The following ADGRB3 variants were observed in gnomAD, a reference collection of about 807,000 sequenced individuals.
The protein encoded by ADGRB3 is adhesion G protein-coupled receptor B3.
ADGRB3 carries 37 observed loss-of-function variants against 193.4 expected under a neutral mutation model. That is an observed-to-expected ratio of 0.19 (90% CI 0.15 to 0.25). The LOEUF is 0.25. Ranked by LOEUF, ADGRB3 falls within the 10% of genes least tolerant of loss-of-function variation. ADGRB3 has a pLI of 1.00. For synonymous variants in ADGRB3, 690 were observed against 644.2 expected, an observed-to-expected ratio of 1.07 and a Z score of -1.08; for missense variants, 1,637 against 1,852.9, an observed-to-expected ratio of 0.88 and a Z score of 2.14.
At chr6:68,983,236 TATAAC>T (rs1768978284) in intron 10 of ADGRB3, among the ~76,000 whole-genome samples, 2 of 151,902 alleles carry the variant, frequency 1.3e-5, no homozygotes, top group Admixed American at 6.6e-5. Context: ...TTTTTAACCT[TATAAC>T]TTACTACTGA....
intron 24 of ADGRB3, among the ~76,000 whole-genome samples, chr6:69,333,861 C>G (rs1409174427): frequency 6.6e-6 from 1 of 150,568 alleles, no homozygotes; most frequent in Non-Finnish European, 1.5e-5. Flanking sequence ...ACCTGGGAGG[C>G]GGAGCTTGCA....
At chr6:69,313,272 T>C (rs1321982) in intron 20 of ADGRB3, among the ~76,000 whole-genome samples, 5,623 of 151,944 alleles carry the variant, frequency 0.037, 175 homozygotes, top group Admixed American at 0.094. Context: ...GTGATACCAA[T>C]GTGCAGCCAA....
chr6:69,241,178 C>T (rs1252123740), intron 20 of ADGRB3, among the ~76,000 whole-genome samples: 1 of 151,736 alleles, frequency 6.6e-6, no homozygotes, highest in Admixed American at 6.6e-5. Flanking sequence ...TGGTTATGCT[C>T]TAAATCACTG....
chr6:68,759,361 T>C (rs1766352155), intron 3 of ADGRB3, among the ~76,000 whole-genome samples: 1 of 152,152 alleles, frequency 6.6e-6, no homozygotes, highest in Non-Finnish European at 1.5e-5. Flanking sequence ...AGCATTTACA[T>C]AGTTTTGAGA....
intron 3 of ADGRB3, among the ~76,000 whole-genome samples, chr6:68,809,123 A>C (rs1482384822): frequency 6.6e-6 from 1 of 152,172 alleles, no homozygotes; most frequent in Non-Finnish European, 1.5e-5. Context: ...ATTATGAAGT[A>C]TATACATTCT....
At position 68,709,033 on chromosome 6, in the gene ADGRB3, C is replaced by T. The variant is rs549348917; in HGVS notation, c.757+69601C>T. Among the ~76,000 whole-genome samples the T allele has an allele frequency of 2.2e-3, 329 of 152,124 alleles. 1 individual carries two copies. The highest frequency in any genetic ancestry group is 7.6e-3 in the African/African-American group (315 of 41,522). On this transcript the variant is annotated intron_variant, in intron 3 of 31. Transcript: ENST00000370598. ...TTTTAGTAAGGATTTGTTTAAAATG[C>T]GGGTTGTTCTACTTTAAAGCTCAAT...
chr6:68,882,890 T>G (rs191933094), intron 3 of ADGRB3, among the ~76,000 whole-genome samples: 392 of 152,196 alleles, frequency 2.6e-3, no homozygotes, highest in African/African-American at 4.1e-3. Context: ...ACTAGTTTTT[T>G]TTTTGTTTTG....
intron 17 of ADGRB3, among the ~76,000 whole-genome samples, chr6:69,189,434 T>C (rs1765140574): frequency 6.6e-6 from 1 of 152,242 alleles, no homozygotes; most frequent in South Asian, 2.1e-4. Flanking sequence ...TGATGAAAGA[T>C]TTCTAGATTT....
At chr6:68,933,296 A>T (rs1767394205) in intron 4 of ADGRB3, among the ~76,000 whole-genome samples, 1 of 152,212 alleles carries the variant, frequency 6.6e-6, no homozygotes, top group African/African-American at 2.4e-5. Context: ...CTAAAATTTT[A>T]AAAAATAAAA....
rs572757449 is a variant in ADGRB3, at chr6:68,957,903, A to G, written c.1525+1094A>G. Among the ~76,000 whole-genome samples the G allele has an allele frequency of 2.6e-5, 4 of 152,230 alleles. No homozygotes were observed. In the South Asian group the frequency reaches 8.3e-4, roughly 32 times the overall value. Reference sequence around the variant, plus strand: ...AGTTGGAGTTTTGTGGGGGCTTAAAAAAGATCGAAAATTAGGGCCAGGCAT... The same window carrying G: ...AGTTGGAGTTTTGTGGGGGCTTAAAGAAGATCGAAAATTAGGGCCAGGCAT... On this transcript the variant is annotated intron_variant, in intron 8 of 31. Coordinates refer to ENST00000370598, the MANE Select transcript of ADGRB3 (RefSeq NM_001704.3).
At chr6:69,325,701 A>G (rs1304928141) in intron 21 of ADGRB3, among the ~76,000 whole-genome samples, 1 of 152,226 alleles carries the variant, frequency 6.6e-6, no homozygotes, top group Non-Finnish European at 1.5e-5. Context: ...AATAATATCT[A>G]CTGTATTAGA....
intron 13 of ADGRB3, among the ~76,000 whole-genome samples, chr6:69,039,689 G>A (rs1770971645): frequency 6.6e-6 from 1 of 151,670 alleles, no homozygotes; most frequent in East Asian, 1.9e-4. Context: ...AATAGGAAAG[G>A]AAGATAATGG....
intron 20 of ADGRB3, among the ~76,000 whole-genome samples, chr6:69,254,566 G>T (rs927267809): frequency 1.3e-5 from 2 of 151,672 alleles, no homozygotes; most frequent in Non-Finnish European, 2.9e-5. Context: ...ATACTGTCAA[G>T]AAAAAATGAT....
intron 3 of ADGRB3, among the ~76,000 whole-genome samples, chr6:68,808,302 T>A (rs916970625): frequency 6.6e-6 from 1 of 152,142 alleles, no homozygotes; most frequent in Non-Finnish European, 1.5e-5. Context: ...CCTTATCAGC[T>A]GAATACAAAG....
chr6:68,916,927 G>A (rs933167050), intron 3 of ADGRB3, among the ~76,000 whole-genome samples: 1 of 152,178 alleles, frequency 6.6e-6, no homozygotes, highest in Non-Finnish European at 1.5e-5. Flanking sequence ...GTCATAAAAG[G>A]ACTTTATATA....
At position 69,322,152 on chromosome 6, in the gene ADGRB3, CTCCATCCATGT is replaced by C. The variant is rs528602550; in HGVS notation, c.2815-2716_2815-2706del. Among the ~76,000 whole-genome samples, 67 of 152,032 alleles carry C rather than the reference CTCCATCCATGT, an allele frequency of 4.4e-4. 1 individual carries two copies. The highest frequency in any genetic ancestry group is 8.0e-4 in the Non-Finnish European group (54 of 67,898). ...GTTTGCTAAGAATAATGGCCTCCACCTCCATCCATGTTCCTGCAAAGGATATGATCTCATTC... is the reference window on the plus strand; with the variant it reads ...GTTTGCTAAGAATAATGGCCTCCACCTCCTGCAAAGGATATGATCTCATTC... On this transcript the variant is annotated intron_variant, in intron 20 of 31. Transcript: ENST00000370598.
intron 20 of ADGRB3, among the ~76,000 whole-genome samples, chr6:69,248,313 A>G (rs1766542844): frequency 1.3e-5 from 2 of 152,224 alleles, no homozygotes; most frequent in South Asian, 4.1e-4. Context: ...AACATCACAG[A>G]AAGTGAATTA....
intron 3 of ADGRB3, among the ~76,000 whole-genome samples, chr6:68,743,276 A>G (rs1184702105): frequency 1.3e-5 from 2 of 151,414 alleles, no homozygotes; most frequent in Non-Finnish European, 2.9e-5. Context: ...GATCTCAGCA[A>G]TGACTGTGCT....
chr6:68,920,917 T>C (rs1000140649), intron 3 of ADGRB3, among the ~76,000 whole-genome samples: 2 of 152,210 alleles, frequency 1.3e-5, no homozygotes, highest in Admixed American at 6.5e-5. Flanking sequence ...CAAATTATTG[T>C]CTTGGTTGGA....
Sources: allele counts gnomAD v4.1 joint callset (sites outside exome capture counted in the v4.1 genomes callset), GRCh38; gene constraint gnomAD v4.1.1; transcripts MANE v1.5; gene names NCBI Gene and HGNC (gene_info 2026-07-23, HGNC 2026-07-21).